Variants in CTIF observed in about 807,000 individuals in gnomAD.
CTIF encodes the protein cap binding complex dependent translation initiation factor.
Under a neutral mutation model 66.0 loss-of-function variants are expected in CTIF, and 21 were observed. That is an observed-to-expected ratio of 0.32 (90% CI 0.23 to 0.46). The LOEUF (loss-of-function observed/expected upper bound fraction) is 0.46, where lower values mean the gene tolerates loss of function less well. Ranked by LOEUF, CTIF falls within the 20% of genes least tolerant of loss-of-function variation. The pLI, the probability that CTIF is intolerant of heterozygous loss-of-function variation, is 1.00. For missense variants in CTIF, 739 were observed against 812.7 expected, an observed-to-expected ratio of 0.91 and a Z score of 1.10; for synonymous variants, 345 against 326.4, an observed-to-expected ratio of 1.06 and a Z score of -0.62.
At chr18:48,704,684 A>T (rs1462055463) in intron 6 of CTIF, among the ~76,000 whole-genome samples, 1 of 152,180 alleles carries the variant, frequency 6.6e-6, no homozygotes, top group Non-Finnish European at 1.5e-5. Flanking sequence ...CCTTGTTTTT[A>T]CAAGGACATC....
chr18:48,623,846 A>AGGATGGATGGATGGAT (rs529662129), intron 2 of CTIF, among the ~76,000 whole-genome samples: 3 of 150,732 alleles, frequency 2.0e-5, no homozygotes, highest in African/African-American at 7.4e-5. Context: ...AAAGAAATGA[A>AGGATGGATGGATGGAT]GGATGGATGG....
At position 48,603,499 on chromosome 18, in the gene CTIF, G is replaced by GTGGA. The variant is rs1158667685; in HGVS notation, c.-28-16013_-28-16010dup. 7.0e-4 allele frequency among the ~76,000 whole-genome samples: 79 copies of GTGGA among 113,038 alleles called. 1 individual carries two copies. The highest frequency in any genetic ancestry group is 1.4e-3 in the East Asian group (5 of 3,500). 74.2% of individuals were successfully genotyped at this position (113,038 alleles called of 152,430 possible). On this transcript the variant is annotated intron_variant, in intron 1 of 11. Transcript: ENST00000256413. ...GATGGGTGGGTGGGTGGGTGGGTGGGTGGATGGATGGATGGATGGATGGAT... is the reference window on the plus strand; with the variant it reads ...GATGGGTGGGTGGGTGGGTGGGTGGGTGGATGGATGGATGGATGGATGGATGGAT...
intron 10 of CTIF, among the ~76,000 whole-genome samples, chr18:48,844,816 G>C (rs1056230304): frequency 3.9e-5 from 6 of 152,132 alleles, no homozygotes; most frequent in African/African-American, 1.4e-4. Context: ...TTGGTGCCAG[G>C]CTAGGCAACA....
intron 7 of CTIF, among the ~76,000 whole-genome samples, chr18:48,729,379 G>A (rs12963496): frequency 0.17 from 26,495 of 152,068 alleles, 2,464 homozygotes; most frequent in Non-Finnish European, 0.22. Context: ...AATTGGAAGC[G>A]TATTGAAATC....
chr18:48,694,705 G>A (rs1032411554), intron 6 of CTIF, among the ~76,000 whole-genome samples: 4 of 152,232 alleles, frequency 2.6e-5, no homozygotes, highest in African/African-American at 7.2e-5. Context: ...TTCTGGGAAT[G>A]GAACAAGTAA....
At chr18:48,743,910 T>C (rs1331375400) in intron 7 of CTIF, among the ~76,000 whole-genome samples, 1 of 152,134 alleles carries the variant, frequency 6.6e-6, no homozygotes, top group Non-Finnish European at 1.5e-5. Flanking sequence ...TTCATGAAGG[T>C]AAAAATAAGA....
chr18:48,849,866 G>A (rs1171418155), intron 10 of CTIF, among the ~76,000 whole-genome samples: 2 of 152,160 alleles, frequency 1.3e-5, no homozygotes, highest in African/African-American at 4.8e-5. Context: ...TTACAGGCGT[G>A]AGCCACCGTG....
intron 7 of CTIF, chr18:48,756,242 C>T (rs1434881433): frequency 6.6e-6 from 1 of 152,178 alleles, no homozygotes; most frequent in Non-Finnish European, 1.5e-5. Flanking sequence ...TACCCAGCAC[C>T]CCAACAGGGT....
chr18:48,598,915 G>A (rs1317870092), intron 1 of CTIF, among the ~76,000 whole-genome samples: 2 of 152,160 alleles, frequency 1.3e-5, no homozygotes, highest in East Asian at 1.9e-4. Context: ...ATCCCAGCAA[G>A]ACTCTTTCTC....
intron 6 of CTIF, among the ~76,000 whole-genome samples, chr18:48,690,444 C>T (rs753857799): frequency 2.0e-5 from 3 of 152,164 alleles, no homozygotes; most frequent in Non-Finnish European, 2.9e-5. Context: ...ACAAGCTCCT[C>T]TCATGCACGG....
chr18:48,742,789 C>G (rs2069827062), intron 7 of CTIF, among the ~76,000 whole-genome samples: 1 of 152,202 alleles, frequency 6.6e-6, no homozygotes, highest in African/African-American at 2.4e-5. Flanking sequence ...CAGTGTCTGG[C>G]TCTCCCTGCT....
At chr18:48,827,969 C>T (rs2068616996) in intron 10 of CTIF, among the ~76,000 whole-genome samples, 1 of 152,042 alleles carries the variant, frequency 6.6e-6, no homozygotes, top group African/African-American at 2.4e-5. Flanking sequence ...TCCTTGACCT[C>T]CTCAAGATAG....
intron 9 of CTIF, among the ~76,000 whole-genome samples, chr18:48,810,965 T>TA (rs1192315467): frequency 3.9e-5 from 6 of 152,108 alleles, no homozygotes; most frequent in Admixed American, 2.6e-4. Context: ...TAGTGGTTAC[T>TA]AGTGTTTACT....
At chr18:48,602,725 C>T (rs967015590) in intron 1 of CTIF, among the ~76,000 whole-genome samples, 3 of 152,264 alleles carry the variant, frequency 2.0e-5, no homozygotes, top group South Asian at 2.1e-4. Flanking sequence ...CTCTGCCCTT[C>T]GTTTTGTGTC....
At chr18:48,740,010 T>C (rs4939801) in intron 7 of CTIF, among the ~76,000 whole-genome samples, 36,946 of 152,192 alleles carry the variant, frequency 0.24, 5,251 homozygotes, top group African/African-American at 0.38. Context: ...CAAATATCAA[T>C]GCACATTGTC....
chr18:48,579,836 G>A (rs975161945), intron 1 of CTIF, among the ~76,000 whole-genome samples: 5 of 152,186 alleles, frequency 3.3e-5, no homozygotes, highest in Non-Finnish European at 5.9e-5. Flanking sequence ...TAGTGTGTGT[G>A]TATATTTTTT....
At chr18:48,616,551 A>T (rs553601358) in intron 1 of CTIF, among the ~76,000 whole-genome samples, 45 of 152,308 alleles carry the variant, frequency 3.0e-4, no homozygotes, top group Non-Finnish European at 5.6e-4. Flanking sequence ...CTCCTGTGTG[A>T]ACTTGGGCAA....
intron 2 of CTIF, among the ~76,000 whole-genome samples, chr18:48,629,165 G>A (rs147488701): frequency 6.6e-6 from 1 of 150,820 alleles, no homozygotes; most frequent in Non-Finnish European, 1.5e-5. Context: ...TTTACACACA[G>A]AGGTCACATT....
chr18:48,844,804 C>A (rs575757214), intron 10 of CTIF, among the ~76,000 whole-genome samples: 1 of 152,218 alleles, frequency 6.6e-6, no homozygotes, highest in Non-Finnish European at 1.5e-5. Context: ...AATTTTGTAG[C>A]TTTGGTGCCA....
Sources: gnomAD v4.1 joint callset for allele counts (sites outside exome capture counted in the v4.1 genomes callset) on GRCh38, gnomAD v4.1.1 for gene constraint, MANE v1.5 for transcripts, NCBI Gene and HGNC (gene_info 2026-07-23, HGNC 2026-07-21) for gene names.